Variants in STXBP5 observed in about 807,000 individuals in gnomAD.
STXBP5 encodes syntaxin-binding protein 5.
In STXBP5, 50 loss-of-function variants were observed where a neutral mutation model predicts 152.4. That is an observed-to-expected ratio of 0.33 (90% CI 0.26 to 0.42). The LOEUF is 0.42. Among genes scored for constraint, STXBP5 ranks in the 10% least tolerant of loss-of-function variants. STXBP5 has a pLI of 1.00. For synonymous variants in STXBP5, 492 were observed against 494.7 expected (o/e 0.99, Z 0.07); for missense variants, 1,167 against 1,388.6 (o/e 0.84, Z 2.54).
intron 2 of STXBP5, among the ~76,000 whole-genome samples, chr6:147,220,794 T>A (rs1050230070): frequency 7.9e-5 from 12 of 152,214 alleles, no homozygotes; most frequent in Admixed American, 2.6e-4. Context: ...AGCGTATAGC[T>A]GGGTCTTAGT....
intron 25 of STXBP5, among the ~76,000 whole-genome samples, chr6:147,372,019 A>G (rs140255193): frequency 4.6e-5 from 7 of 152,314 alleles, no homozygotes; most frequent in African/African-American, 1.4e-4. Context: ...TATAAATTCA[A>G]TATAATAATA....
intron 22 of STXBP5, among the ~76,000 whole-genome samples, chr6:147,357,573 G>T (rs892711271): frequency 5.9e-5 from 9 of 152,146 alleles, no homozygotes; most frequent in Non-Finnish European, 1.3e-4. Context: ...TGTTGTGTTA[G>T]TAGTGAGATG....
At chr6:147,217,434 T>C (rs1173165113) in intron 2 of STXBP5, among the ~76,000 whole-genome samples, 1 of 152,222 alleles carries the variant, frequency 6.6e-6, no homozygotes, top group African/African-American at 2.4e-5. Context: ...ACCACTATTA[T>C]TTATGACTAC....
intron 15 of STXBP5, 33 bp from the exon 16 acceptor site, chr6:147,316,196 A>G: frequency 6.3e-7 from 1 of 1,587,208 alleles, no homozygotes; most frequent in South Asian, 1.1e-5. Flanking sequence ...AATAATTATT[A>G]GGAGTAAGTA....
intron 16 of STXBP5, among the ~76,000 whole-genome samples, chr6:147,323,310 C>T (rs985062231): frequency 6.6e-6 from 1 of 152,162 alleles, no homozygotes; most frequent in Non-Finnish European, 1.5e-5. Flanking sequence ...CAATTGGTGA[C>T]CCTGTTCTAC....
At chr6:147,316,158 T>G in intron 15 of STXBP5, 71 bp from the exon 16 acceptor site, 1 of 1,412,720 alleles carries the variant, frequency 7.1e-7, no homozygotes, top group South Asian at 1.2e-5. Flanking sequence ...TGTGTGTGTA[T>G]GTGTGTATAA....
rs577645136 is a variant in STXBP5 at position 147,361,363 on chromosome 6, A to G, written c.2546-1972A>G. On this transcript the variant is annotated intron_variant, in intron 23 of 27. Coordinates refer to ENST00000321680, the MANE Select transcript of STXBP5 (RefSeq NM_001127715.4). ...ATACTTTCCAACTTGCAATAAATCA[A>G]ATTAGCTGTAAAGTGAATACAAAAA... is the stretch of plus-strand genomic sequence containing the variant. Among the ~76,000 whole-genome samples the G allele has an allele frequency of 3.9e-5, 6 of 152,310 alleles. No homozygotes were observed. In the South Asian group the frequency reaches 1.0e-3, roughly 26 times the overall value.
At chr6:147,261,545 C>T (rs997578223) in intron 5 of STXBP5, among the ~76,000 whole-genome samples, 2 of 151,986 alleles carry the variant, frequency 1.3e-5, no homozygotes, top group African/African-American at 2.4e-5. Context: ...AATTCTGTGA[C>T]GTATCTCTTA....
At position 147,239,944 on chromosome 6, in the gene STXBP5, C is replaced by CT. The variant is rs748804277; in HGVS notation, c.431+688dup. ...ATCCCCTATATGTTTTTGTGGTACT[C>CT]TTTTTTTTTTTTTTCTGAGACCTGG... On this transcript the variant is annotated intron_variant, in intron 4 of 27. Transcript: ENST00000321680. Among the ~76,000 whole-genome samples the CT allele has an allele frequency of 7.9e-3, 1,129 of 143,478 alleles. 10 individuals are homozygous for CT. Among genetic ancestry groups the CT allele is most frequent in the African/African-American group, 0.019 (751 of 39,478 alleles). 94.1% of individuals were successfully genotyped at this position (143,478 alleles called of 152,430 possible). A position where few individuals can be genotyped will look rare whatever the true frequency, so the allele number is the denominator to read the frequency against.
In STXBP5 at chr6:147,255,081, T is replaced by C. The variant is rs143525978; in HGVS notation, c.432-5534T>C. On this transcript the variant is annotated intron_variant, in intron 4 of 27. Transcript: ENST00000321680. ...TGGAACCAACCCAAATGCCTATCAG[T>C]GATAAACTGGATAAAGAAAATGTGG... Among the ~76,000 whole-genome samples, 154 of 152,262 alleles carry C rather than the reference T, an allele frequency of 1.0e-3. 1 individual carries two copies. The highest frequency in any genetic ancestry group is 3.6e-3 in the African/African-American group (148 of 41,550).
intron 2 of STXBP5, among the ~76,000 whole-genome samples, chr6:147,207,969 A>G (rs141037012): frequency 6.6e-5 from 10 of 152,304 alleles, no homozygotes; most frequent in Non-Finnish European, 1.2e-4. Flanking sequence ...GTAATTAGCA[A>G]GTTGGCACAA....
In STXBP5 at chr6:147,384,782, C is replaced by T. The variant is rs1394184194; in HGVS notation, c.*27C>T. 1 of 1,600,758 alleles carries T rather than the reference C, an allele frequency of 6.2e-7. No homozygotes were observed. The highest frequency in any genetic ancestry group is 8.5e-7 in the Non-Finnish European group (1 of 1,175,756). ...AACCAGAATCCAATAAGTCCAACTT[C>T]AGCCAGAAGGAAAAAAGTTTTCCAT... On this transcript the variant is annotated 3_prime_UTR_variant, in exon 28 of 28. Coordinates refer to ENST00000321680, the MANE Select transcript of STXBP5 (RefSeq NM_001127715.4).
At chr6:147,360,548 C>A (rs972164512) in intron 23 of STXBP5, among the ~76,000 whole-genome samples, 9 of 151,860 alleles carry the variant, frequency 5.9e-5, no homozygotes, top group Non-Finnish European at 1.2e-4. Flanking sequence ...TTAAAAGTTA[C>A]AATAATGCAT....
At chr6:147,343,985 A>G (rs971826202) in intron 21 of STXBP5, among the ~76,000 whole-genome samples, 2 of 152,144 alleles carry the variant, frequency 1.3e-5, no homozygotes, top group African/African-American at 4.8e-5. Flanking sequence ...AATATTTTCT[A>G]TTTTGAAAGA....
intron 27 of STXBP5, among the ~76,000 whole-genome samples, chr6:147,383,652 C>T (rs1786203868): frequency 6.6e-6 from 1 of 152,086 alleles, no homozygotes; most frequent in African/African-American, 2.4e-5. Flanking sequence ...TGGTGCTTTA[C>T]ACTAGGTTAC....
intron 2 of STXBP5, among the ~76,000 whole-genome samples, chr6:147,215,539 C>T (rs1189331965): frequency 6.6e-6 from 1 of 152,070 alleles, no homozygotes; most frequent in Non-Finnish European, 1.5e-5. Context: ...CGCCACCACG[C>T]CTGGCTAATT....
chr6:147,379,768 A>G (rs1235660689), intron 26 of STXBP5, among the ~76,000 whole-genome samples: 1 of 152,042 alleles, frequency 6.6e-6, no homozygotes, highest in Non-Finnish European at 1.5e-5. Flanking sequence ...AAAACTAATT[A>G]TAGCTAATAA....
chr6:147,288,523 G>T (rs1012184017), intron 8 of STXBP5, among the ~76,000 whole-genome samples: 4 of 152,122 alleles, frequency 2.6e-5, no homozygotes, highest in African/African-American at 4.8e-5. Flanking sequence ...CTTGTTAGTG[G>T]CTTGGTCATT....
intron 7 of STXBP5, among the ~76,000 whole-genome samples, chr6:147,272,564 T>C (rs1219134005): frequency 6.6e-6 from 1 of 152,190 alleles, no homozygotes; most frequent in Non-Finnish European, 1.5e-5. Flanking sequence ...AAGAAATTAT[T>C]ATAGGCATAA....
Sources: gnomAD v4.1 joint callset for allele counts (sites outside exome capture counted in the v4.1 genomes callset) on GRCh38, gnomAD v4.1.1 for gene constraint, MANE v1.5 for transcripts, NCBI Gene and HGNC (gene_info 2026-07-23, HGNC 2026-07-21) for gene names.